The following ERN1 variants were observed in gnomAD, a reference collection of about 807,000 sequenced individuals.
ERN1 encodes endoplasmic reticulum to nucleus signaling 1, also known as serine/threonine-protein kinase/endoribonuclease IRE1.
In ERN1, 39 loss-of-function variants were observed where a neutral mutation model predicts 113.1. The ratio of observed to expected loss-of-function variants is 0.34; its 90% CI spans 0.27 to 0.45. The LOEUF (loss-of-function observed/expected upper bound fraction) is 0.45, where lower values mean the gene tolerates loss of function less well. Among genes scored for constraint, ERN1 ranks in the 20% least tolerant of loss-of-function variants. The pLI is 1.00. For synonymous variants in ERN1, 507 were observed against 515.9 expected (o/e 0.98, Z 0.23); for missense variants, 976 against 1,274.8 (o/e 0.77, Z 3.57).
In ERN1 at chr17:64,044,616, C is replaced by T. The variant is rs80275525; in HGVS notation, c.2721+244G>A. Among the ~76,000 whole-genome samples the T allele has an allele frequency of 6.6e-6, 1 of 152,252 alleles. No homozygotes were observed. Among genetic ancestry groups the T allele is most frequent in the East Asian group, 1.9e-4 (1 of 5,192 alleles). ...CCCCACAAAAGTCAGCGACCAGAGA[C>T]CATGAGGGACATGGGCCGCAGAGCA... On this transcript the variant is annotated intron_variant, in intron 21 of 21. Coordinates refer to ENST00000433197, the MANE Select transcript of ERN1 (RefSeq NM_001433.5). The surrounding 1 kb of genome is among the most constrained non-coding windows in gnomAD (Gnocchi z 4.1).
At position 64,054,649 on chromosome 17, in the gene ERN1, G is replaced by A; in HGVS notation, c.1763+89C>T. 8.9e-7 allele frequency: 1 copy of A among 1,127,958 alleles called. No homozygotes were observed. The highest frequency in any genetic ancestry group is 1.5e-5 in the South Asian group (1 of 68,816). The allele number at this position is 1,127,958 out of a possible 1,614,324, so 69.9% of individuals were successfully genotyped here. On this transcript the variant is annotated intron_variant, in intron 14 of 21. Coordinates refer to ENST00000433197, the MANE Select transcript of ERN1 (RefSeq NM_001433.5). This position sits in a 1 kb window ranked among gnomAD's most constrained non-coding sequence, Gnocchi z 4.9. Reference sequence around the variant, plus strand: ...GCGTCTAGGTCACTGCTTTGACCCTGCTGTGCTCTGAGCCTGGCACCAGGC... The same window carrying A: ...GCGTCTAGGTCACTGCTTTGACCCTACTGTGCTCTGAGCCTGGCACCAGGC...
chr17:64,077,422 GC>G (rs750811184), intron 4 of ERN1, among the ~76,000 whole-genome samples: 27 of 151,238 alleles, frequency 1.8e-4, no homozygotes, highest in Non-Finnish European at 2.9e-4. Context: ...CTCCTCTCTT[GC>G]CCCCCTTTCT....
intron 6 of ERN1, among the ~76,000 whole-genome samples, chr17:64,070,010 A>G (rs917333353): frequency 1.2e-4 from 19 of 152,198 alleles, no homozygotes; most frequent in South Asian, 4.1e-4. Context: ...AGCCGAGTCT[A>G]TATCTCTACC....
chr17:64,051,157 G>GA (rs57358024), intron 17 of ERN1, among the ~76,000 whole-genome samples: 85,015 of 143,840 alleles, frequency 0.59, 28,190 homozygotes, highest in South Asian at 0.77. Flanking sequence ...TAGCGATTAA[G>GA]AAAAAAAAAA....
Position 64,063,949 on chromosome 17 carries a change from C to G in ERN1, c.1087+37G>C. On this transcript the variant is annotated intron_variant, in intron 10 of 21. Coordinates refer to ENST00000433197, the MANE Select transcript of ERN1 (RefSeq NM_001433.5). The surrounding 1 kb of genome is among the most constrained non-coding windows in gnomAD (Gnocchi z 5.1). ...CGGTCGCCCACCAGGAGGCAGCACG[C>G]TGTCACCTCAGGCTACTGTGGGAGA... The G allele has an allele frequency of 1.2e-6, 2 of 1,604,118 alleles. No individual in the cohort carries two copies. The highest frequency in any genetic ancestry group is 1.7e-6 in the Non-Finnish European group (2 of 1,173,414).
intron 6 of ERN1, among the ~76,000 whole-genome samples, chr17:64,069,035 A>C (rs1032202999): frequency 7.9e-5 from 12 of 152,236 alleles, no homozygotes; most frequent in African/African-American, 2.9e-4. Context: ...AAAGATTCTC[A>C]ATATAAAAAA....
In ERN1 at chr17:64,080,579, C is replaced by T. The variant is rs1033874414; in HGVS notation, c.209+196G>A. ...CAAATAAGCCTTTTTAAAACCACTA[C>T]CCTTCTCCCTCAGGAAACTGACCAC... On this transcript the variant is annotated intron_variant, in intron 3 of 21. Transcript: ENST00000433197. 2.2e-5 allele frequency: 12 copies of T among 541,848 alleles called. 1 individual carries two copies. Among genetic ancestry groups the T allele is most frequent in the Non-Finnish European group, 2.9e-5 (9 of 306,372 alleles). 33.6% of individuals were successfully genotyped at this position (541,848 alleles called of 1,614,324 possible).
chr17:64,051,081 A>G (rs1286870418), intron 17 of ERN1, among the ~76,000 whole-genome samples: 2 of 152,214 alleles, frequency 1.3e-5, no homozygotes, highest in Non-Finnish European at 2.9e-5. Flanking sequence ...TGTGTATCAA[A>G]AGAAGTAAAT....
Position 64,044,183 on chromosome 17 carries a change from C to T in ERN1, c.2739G>A (p.Glu913=). The change falls in exon 22 of 22, where the codon GAG becomes GAA. Residue 913 remains glutamate, a synonymous_variant. Transcript: ENST00000433197. This position sits in a 1 kb window ranked among gnomAD's most constrained non-coding sequence, Gnocchi z 4.1. ...GCGTCTCCCGCACCTCTGCAGGCAG[C>T]TCCCGGTAGTGGTGCTTCTGCAAAG... ...AMRNKKHHYR[E]LPAEVRETLG... is the part of the protein sequence containing the mutation. 1 of 1,560,540 alleles carries T rather than the reference C, an allele frequency of 6.4e-7. No homozygotes were observed. The highest frequency in any genetic ancestry group is 1.2e-5 in the South Asian group (1 of 84,044).
chr17:64,079,758 A>T (rs1163016094), intron 3 of ERN1, 24 bp from the exon 4 acceptor site: 1 of 1,591,460 alleles, frequency 6.3e-7, no homozygotes, highest in Non-Finnish European at 8.6e-7. Context: ...AATAAATATC[A>T]AAGATAAATT....
intron 1 of ERN1, among the ~76,000 whole-genome samples, chr17:64,106,232 A>G (rs180755262): frequency 2.2e-3 from 331 of 152,344 alleles, no homozygotes; most frequent in African/African-American, 7.7e-3. Context: ...TAAAGGTAAG[A>G]CTTGAAACAA....
At chr17:64,107,576 C>T (rs1363871635) in intron 1 of ERN1, among the ~76,000 whole-genome samples, 1 of 152,164 alleles carries the variant, frequency 6.6e-6, no homozygotes, top group East Asian at 1.9e-4. Flanking sequence ...CCCGCCTCAC[C>T]TCTCAAAGTG....
rs199625665 is a variant in ERN1 at position 64,054,455 on chromosome 17, T to C, written c.1764-16A>G. On this transcript the variant is annotated splice_polypyrimidine_tract_variant and intron_variant, in intron 14 of 21. Coordinates refer to ENST00000433197, the MANE Select transcript of ERN1 (RefSeq NM_001433.5). This position sits in a 1 kb window ranked among gnomAD's most constrained non-coding sequence, Gnocchi z 4.9. ...AAACATGCCCCTGCGGGATGAGGAG[T>C]GGGAGTTGTGTCTGGGAAGCACGAG... is the stretch of plus-strand genomic sequence containing the variant. 3.9e-6 allele frequency: 6 copies of C among 1,547,312 alleles called. No homozygotes were observed. In the African/African-American group the frequency reaches 8.2e-5, roughly 21 times the overall value.
intron 16 of ERN1, 68 bp from the exon 17 acceptor site, chr17:64,053,047 T>C (rs1371162951): frequency 1.5e-6 from 2 of 1,290,356 alleles, no homozygotes; most frequent in Non-Finnish European, 2.2e-6. Context: ...CAATGGGGAA[T>C]GTGTCCTCGT....
At chr17:64,121,324 A>G (rs1461758860) in intron 1 of ERN1, among the ~76,000 whole-genome samples, 1 of 152,212 alleles carries the variant, frequency 6.6e-6, no homozygotes. Context: ...GCTGTGACTG[A>G]GCTAGAGAAG....
chr17:64,083,690 G>A (rs1231662391), intron 2 of ERN1, among the ~76,000 whole-genome samples: 1 of 152,116 alleles, frequency 6.6e-6, no homozygotes, highest in Non-Finnish European at 1.5e-5. Flanking sequence ...AAACAAACCT[G>A]CTCACTGATC....
At chr17:64,045,185 A>G (rs1912472725) in intron 20 of ERN1, among the ~76,000 whole-genome samples, 174 bp downstream of exon 20, 1 of 152,076 alleles carries the variant, frequency 6.6e-6, no homozygotes. Context: ...GGGAACAAAA[A>G]TGAAACACAC....
At chr17:64,053,239 G>T in intron 16 of ERN1, 33 bp downstream of exon 16, 1 of 1,538,516 alleles carries the variant, frequency 6.5e-7, no homozygotes, top group South Asian at 1.2e-5. Context: ...CTCCCCACCC[G>T]GGCCGCTGGC....
At chr17:64,108,203 A>C (rs1914580676) in intron 1 of ERN1, among the ~76,000 whole-genome samples, 1 of 149,996 alleles carries the variant, frequency 6.7e-6, no homozygotes, top group South Asian at 2.1e-4. Flanking sequence ...AATAGATCTG[A>C]TTAAAAAAAA....
Sources: allele counts gnomAD v4.1 joint callset (sites outside exome capture counted in the v4.1 genomes callset), GRCh38; gene constraint gnomAD v4.1.1; non-coding constraint Gnocchi (gnomAD v3.1); transcripts MANE v1.5; gene names NCBI Gene and HGNC (gene_info 2026-07-23, HGNC 2026-07-21).